The following CACHD1 variants were observed in gnomAD, a reference collection of about 807,000 sequenced individuals.
CACHD1 encodes VWFA and cache domain-containing protein 1.
A neutral mutation model predicts 138.7 loss-of-function variants in CACHD1; 71 were observed. That is an observed-to-expected ratio of 0.51 (90% CI 0.42 to 0.62). The LOEUF (loss-of-function observed/expected upper bound fraction) is 0.62. CACHD1 is among the 20% of genes least tolerant of loss of function. CACHD1 has a pLI of 0.00. For synonymous variants in CACHD1, 578 were observed against 591.5 expected (o/e 0.98, Z 0.33); for missense variants, 1,389 against 1,625.3 (o/e 0.85, Z 2.50).
intron 24 of CACHD1, 30 bp downstream of exon 24, chr1:64,679,786 G>C: frequency 6.2e-7 from 1 of 1,609,758 alleles, no homozygotes; most frequent in Non-Finnish European, 8.5e-7. Flanking sequence ...CACAGGGGAG[G>C]CAGCAGCCAG....
At chr1:64,600,704 A>T (rs1647203548) in intron 3 of CACHD1, among the ~76,000 whole-genome samples, 1 of 152,238 alleles carries the variant, frequency 6.6e-6, no homozygotes, top group Non-Finnish European at 1.5e-5. Flanking sequence ...AAAAAACATG[A>T]ATAGAACAAT....
chr1:64,496,747 T>C (rs1646308268), intron 1 of CACHD1, among the ~76,000 whole-genome samples: 2 of 151,960 alleles, frequency 1.3e-5, no homozygotes, highest in Non-Finnish European at 2.9e-5. Flanking sequence ...GAAAGCTTTA[T>C]TTATGGGTCA....
At position 64,684,357 on chromosome 1, in the gene CACHD1, CT is replaced by C. The variant is rs375621966; in HGVS notation, c.3586+2253del. 2.0e-4 allele frequency among the ~76,000 whole-genome samples: 18 copies of C among 89,774 alleles called. 2 individuals carry two copies. The highest frequency in any genetic ancestry group is 1.5e-3 in the Admixed American group (15 of 9,684). 58.9% of individuals were successfully genotyped at this position (89,774 alleles called of 152,430 possible). A position where few individuals can be genotyped will look rare whatever the true frequency, so the allele number is the denominator to read the frequency against. Reference sequence around the variant, plus strand: ...ATTTTCTTTGTTTTTTCTTCTTCTTCTTCTTCTTTTTTTTTTTTTTTTTTTT... The same window carrying C: ...ATTTTCTTTGTTTTTTCTTCTTCTTCTCTTCTTTTTTTTTTTTTTTTTTTT... On this transcript the variant is annotated intron_variant, in intron 26 of 26. Coordinates refer to ENST00000651257, the MANE Select transcript of CACHD1 (RefSeq NM_020925.4).
intron 1 of CACHD1, among the ~76,000 whole-genome samples, chr1:64,474,416 T>C (rs762332669): frequency 2.6e-4 from 40 of 152,214 alleles, no homozygotes; most frequent in Admixed American, 9.8e-4. Context: ...GGTGATTTTA[T>C]CTGTAAAATT....
chr1:64,648,869 A>T (rs1265407458), intron 9 of CACHD1, among the ~76,000 whole-genome samples: 2 of 152,242 alleles, frequency 1.3e-5, no homozygotes, highest in African/African-American at 4.8e-5. Flanking sequence ...TAAAACATCT[A>T]GAACAATGCC....
chr1:64,663,404 AGCC>A (rs1649512149), intron 13 of CACHD1, among the ~76,000 whole-genome samples: 1 of 150,716 alleles, frequency 6.6e-6, no homozygotes, highest in South Asian at 2.1e-4. Context: ...TACAAAAATA[AGCC>A]GGGCGTGGTG....
Position 64,654,758 on chromosome 1 carries a change from A to G in CACHD1, c.1737A>G (p.Arg579=). ...TGTCTTGGCACATAAACAAGCTGAG[A>G]GAAACTGGAAAGGAAGCCTACAATG... is the stretch of plus-strand genomic sequence containing the variant. ...SSLSWHINKL[R]ETGKEAYNVS... Residue 579 remains arginine (R), a synonymous_variant, in exon 12 of 27, where the codon AGA becomes AGG. Transcript: ENST00000651257. 1 of 1,613,968 alleles carries G rather than the reference A, an allele frequency of 6.2e-7. No individual in the cohort carries two copies.
intron 26 of CACHD1, among the ~76,000 whole-genome samples, chr1:64,690,767 C>G (rs544258623): frequency 2.6e-5 from 4 of 152,326 alleles, no homozygotes; most frequent in Admixed American, 1.3e-4. Flanking sequence ...TGCTACCAAG[C>G]AAGCACGCAG....
intron 4 of CACHD1, among the ~76,000 whole-genome samples, chr1:64,614,667 C>T (rs1422112227): frequency 6.6e-6 from 1 of 152,168 alleles, no homozygotes; most frequent in Non-Finnish European, 1.5e-5. Flanking sequence ...TGGGCATCTG[C>T]CTATGAGTGG....
intron 1 of CACHD1, among the ~76,000 whole-genome samples, chr1:64,523,610 C>T (rs577494125): frequency 1.3e-5 from 2 of 152,276 alleles, no homozygotes; most frequent in African/African-American, 4.8e-5. Context: ...GCTCACAGTG[C>T]CGTTTTTCCT....
At position 64,673,100 on chromosome 1, in the gene CACHD1, G is replaced by A. The variant is rs12069218; in HGVS notation, c.2511-58G>A. 1,041 of 1,299,288 alleles carry A rather than the reference G, an allele frequency of 8.0e-4. 9 individuals are homozygous for A. The African/African-American group carries it at 0.014, about 18-fold the overall frequency. 80.5% of individuals were successfully genotyped at this position (1,299,288 alleles called of 1,614,324 possible). The stretch of plus-strand genomic sequence containing the variant: ...AGCAAGATAAATGCTCTCTGAATAC[G>A]TTTGAAAAAAAAAAAAACAGCTGAT... On this transcript the variant is annotated intron_variant, in intron 17 of 26. Transcript: ENST00000651257.
chr1:64,552,553 T>C (rs1646767317), intron 2 of CACHD1, among the ~76,000 whole-genome samples: 1 of 151,762 alleles, frequency 6.6e-6, no homozygotes, highest in Non-Finnish European at 1.5e-5. Context: ...CACTGCATCC[T>C]TTATCTTCCA....
intron 7 of CACHD1, among the ~76,000 whole-genome samples, chr1:64,635,419 T>C (rs1648488082): frequency 6.7e-6 from 1 of 149,168 alleles, no homozygotes; most frequent in Non-Finnish European, 1.5e-5. Context: ...AGTCTCACTT[T>C]GTCACCCAGC....
At chr1:64,530,955 AGAAT>A (rs1317322724) in intron 1 of CACHD1, among the ~76,000 whole-genome samples, 2 of 146,572 alleles carry the variant, frequency 1.4e-5, no homozygotes, top group Non-Finnish European at 1.5e-5. Context: ...TTTAGAAGGA[AGAAT>A]GAATTCTCAC....
intron 1 of CACHD1, among the ~76,000 whole-genome samples, chr1:64,529,773 T>C (rs1433057268): frequency 7.2e-5 from 11 of 152,218 alleles, no homozygotes; most frequent in Non-Finnish European, 1.6e-4. Context: ...TGTTATGTTT[T>C]CATTTTTGCA....
At chr1:64,511,196 G>A (rs61787363) in intron 1 of CACHD1, among the ~76,000 whole-genome samples, 10 of 152,208 alleles carry the variant, frequency 6.6e-5, no homozygotes, top group African/African-American at 2.4e-4. Context: ...TGTAGAGCAG[G>A]CACTGTACTT....
At chr1:64,471,932 A>G (rs1292440806) in intron 1 of CACHD1, among the ~76,000 whole-genome samples, 1 of 152,168 alleles carries the variant, frequency 6.6e-6, no homozygotes, top group Non-Finnish European at 1.5e-5. Flanking sequence ...ATAAAGGCCC[A>G]CTAGATTAGG....
intron 26 of CACHD1, among the ~76,000 whole-genome samples, chr1:64,689,172 T>C (rs1650462310): frequency 6.6e-6 from 1 of 152,238 alleles, no homozygotes. Flanking sequence ...TGGACACATA[T>C]GTCAGTGAAC....
At chr1:64,614,931 TCTC>T (rs919923075) in intron 4 of CACHD1, among the ~76,000 whole-genome samples, 27 of 151,976 alleles carry the variant, frequency 1.8e-4, no homozygotes, top group African/African-American at 6.5e-4. Context: ...TTTGAAAAAA[TCTC>T]CTCTGTAACT....
Sources: allele counts gnomAD v4.1 joint callset (sites outside exome capture counted in the v4.1 genomes callset), GRCh38; gene constraint gnomAD v4.1.1; transcripts MANE v1.5; gene names NCBI Gene and HGNC (gene_info 2026-07-23, HGNC 2026-07-21).